The following PTPRB variants were observed in gnomAD, a reference collection of about 807,000 sequenced individuals.
The protein encoded by PTPRB is protein tyrosine phosphatase receptor type B, also known as receptor-type tyrosine-protein phosphatase beta.
PTPRB carries 97 observed loss-of-function variants against 238.1 expected under a neutral mutation model. The ratio of observed to expected loss-of-function variants is 0.41; its 90% CI spans 0.35 to 0.48. The LOEUF (loss-of-function observed/expected upper bound fraction) is 0.48, where lower values mean the gene tolerates loss of function less well. Ranked by LOEUF, PTPRB falls within the 20% of genes least tolerant of loss-of-function variation. The pLI, the probability that PTPRB is intolerant of heterozygous loss-of-function variation, is 0.30. For synonymous variants in PTPRB, 970 were observed against 995.4 expected (o/e 0.97, Z 0.48); for missense variants, 2,292 against 2,681.9 (o/e 0.85, Z 3.21).
At chr12:70,561,899 C>T (rs1307813818) in intron 16 of PTPRB, among the ~76,000 whole-genome samples, 2 of 152,236 alleles carry the variant, frequency 1.3e-5, no homozygotes, top group African/African-American at 4.8e-5. Flanking sequence ...CTGTCTTGTT[C>T]ACCGTCACAT....
chr12:70,602,170 G>A (rs962289588), intron 4 of PTPRB, among the ~76,000 whole-genome samples: 2 of 152,096 alleles, frequency 1.3e-5, no homozygotes, highest in Non-Finnish European at 2.9e-5. Context: ...TAAAGATGAT[G>A]CATTAAATTA....
At chr12:70,527,243 G>T (rs1478011312) in intron 32 of PTPRB, among the ~76,000 whole-genome samples, 2 of 152,170 alleles carry the variant, frequency 1.3e-5, no homozygotes, top group Non-Finnish European at 2.9e-5. Context: ...ATACAATTGT[G>T]TATAAGGTTT....
intron 6 of PTPRB, among the ~76,000 whole-genome samples, chr12:70,593,853 T>C (rs530657538): frequency 2.2e-4 from 33 of 152,350 alleles, no homozygotes; most frequent in African/African-American, 7.5e-4. Context: ...TCTACTAAAA[T>C]GTAAGCGCTG....
At chr12:70,542,371 A>T (rs1875269188) in intron 22 of PTPRB, 1 of 152,138 alleles carries the variant, frequency 6.6e-6, no homozygotes, top group African/African-American at 2.4e-5. Context: ...CGAAGCCAGG[A>T]GTTCGAGACC....
chr12:70,629,805 ATAT>A (rs1460481780), intron 2 of PTPRB, among the ~76,000 whole-genome samples: 31 of 152,222 alleles, frequency 2.0e-4, no homozygotes, highest in African/African-American at 7.5e-4. Context: ...CCATCAGAGA[ATAT>A]TATAAACACC....
At chr12:70,626,296 C>CATCT (rs35084668) in intron 2 of PTPRB, among the ~76,000 whole-genome samples, 10,669 of 91,172 alleles carry the variant, frequency 0.12, 1,037 homozygotes, top group Middle Eastern at 0.18. Flanking sequence ...TCTATCCATC[C>CATCT]ATCTATCTAT....
chr12:70,616,032 G>A (rs919095795), intron 3 of PTPRB, among the ~76,000 whole-genome samples: 1 of 151,686 alleles, frequency 6.6e-6, no homozygotes, highest in African/African-American at 2.4e-5. Context: ...TTTTTTGCTT[G>A]TTTTCTCTCT....
chr12:70,524,726 T>G, intron 32 of PTPRB, 135 bp from the exon 33 acceptor site: 2 of 918,442 alleles, frequency 2.2e-6, no homozygotes, highest in Non-Finnish European at 3.1e-6. Flanking sequence ...TAATGGTCTC[T>G]GGTAAATAAA....
intron 9 of PTPRB, among the ~76,000 whole-genome samples, chr12:70,584,753 T>A (rs35608116): frequency 6.6e-6 from 1 of 151,800 alleles, no homozygotes; most frequent in Non-Finnish European, 1.5e-5. Flanking sequence ...ATGAAGAAAT[T>A]TGAATAACGT....
intron 32 of PTPRB, among the ~76,000 whole-genome samples, chr12:70,529,479 T>TAACA (rs778652608): frequency 9.9e-5 from 15 of 152,266 alleles, no homozygotes; most frequent in Admixed American, 2.6e-4. Flanking sequence ...GACAATAAAC[T>TAACA]AACAAAATAT....
chr12:70,628,612 C>T (rs1885308523), intron 2 of PTPRB, among the ~76,000 whole-genome samples: 1 of 152,112 alleles, frequency 6.6e-6, no homozygotes, highest in Non-Finnish European at 1.5e-5. Context: ...TCTGTACAGG[C>T]CAAGGCATGA....
Position 70,592,278 on chromosome 12 carries a change from T to C in PTPRB, c.1780+4A>G. The C allele has an allele frequency of 6.2e-7, 1 of 1,613,956 alleles. No individual in the cohort carries two copies. The highest frequency in any genetic ancestry group is 8.5e-7 in the Non-Finnish European group (1 of 1,179,860). ...CAAGGAACATTCTGGAGCCCAAGAC[T>C]CACATGTTCTGCCCACTGCCATCTT... On this transcript the variant is annotated splice_donor_region_variant and intron_variant, in intron 7 of 33. Transcript: ENST00000334414.
intron 3 of PTPRB, among the ~76,000 whole-genome samples, chr12:70,612,361 A>T (rs1038185164): frequency 1.3e-5 from 2 of 152,214 alleles, no homozygotes; most frequent in African/African-American, 2.4e-5. Context: ...GGACTGAAAA[A>T]AGCTTCCAGA....
chr12:70,633,752 C>T (rs1231911662), intron 2 of PTPRB, among the ~76,000 whole-genome samples: 3 of 152,042 alleles, frequency 2.0e-5, no homozygotes, highest in Non-Finnish European at 4.4e-5. Flanking sequence ...TATTACTAGA[C>T]ATATTTGTAT....
chr12:70,529,784 T>C (rs1872904719), intron 32 of PTPRB, among the ~76,000 whole-genome samples: 1 of 152,188 alleles, frequency 6.6e-6, no homozygotes. Context: ...GGGTTCAGGC[T>C]GACACTGCCT....
At chr12:70,537,023 C>G (rs1351390158) in intron 28 of PTPRB, among the ~76,000 whole-genome samples, 5 of 152,068 alleles carry the variant, frequency 3.3e-5, no homozygotes, top group Non-Finnish European at 5.9e-5. Flanking sequence ...AGTGGCTCAC[C>G]CCTGTAATCC....
At position 70,588,349 on chromosome 12, in the gene PTPRB, T is replaced by C. The variant is rs116839669; in HGVS notation, c.2051-1082A>G. Among the ~76,000 whole-genome samples the C allele has an allele frequency of 8.8e-3, 1,334 of 152,002 alleles. 14 individuals are homozygous for C. Among genetic ancestry groups the C allele is most frequent in the African/African-American group, 0.03 (1,257 of 41,494 alleles). ...ACCAGAGACACAGTTTAAGAAAAGT[T>C]TGGGCCGGGTGCAGTGCCTCATGCC... On this transcript the variant is annotated intron_variant, in intron 8 of 33. Coordinates refer to ENST00000334414, the MANE Select transcript of PTPRB (RefSeq NM_001109754.4).
At chr12:70,604,105 G>T (rs1391475003) in intron 4 of PTPRB, among the ~76,000 whole-genome samples, 2 of 152,070 alleles carry the variant, frequency 1.3e-5, no homozygotes, top group Non-Finnish European at 2.9e-5. Context: ...GCTGGGTGTG[G>T]TATTGGGTAC....
intron 9 of PTPRB, among the ~76,000 whole-genome samples, chr12:70,584,379 T>C (rs181648523): frequency 6.6e-6 from 1 of 152,288 alleles, no homozygotes. Context: ...TCCAGGATTG[T>C]AGAAAGACAC....
Sources: gnomAD v4.1 joint callset for allele counts (sites outside exome capture counted in the v4.1 genomes callset) on GRCh38, gnomAD v4.1.1 for gene constraint, MANE v1.5 for transcripts, NCBI Gene and HGNC (gene_info 2026-07-23, HGNC 2026-07-21) for gene names.